SLC35B3: variants seen among roughly 807,000 people sequenced by gnomAD.
The protein encoded by SLC35B3 is solute carrier family 35 member B3.
A neutral mutation model predicts 44.1 loss-of-function variants in SLC35B3; 35 were observed. The ratio of observed to expected loss-of-function variants is 0.79; its 90% CI spans 0.61 to 1.05. SLC35B3 has a LOEUF of 1.05. SLC35B3 is among the 50% of genes least tolerant of loss of function. The pLI, the probability that SLC35B3 is intolerant of heterozygous loss-of-function variation, is 0.00. For missense variants in SLC35B3, 414 were observed against 476.4 expected (o/e 0.87, Z 1.22); for synonymous variants, 146 against 167.3 (o/e 0.87, Z 0.98).
rs569888741 is a variant in SLC35B3 at position 8,411,765 on chromosome 6, A to G, written c.*1784T>C. Among the ~76,000 whole-genome samples the G allele has an allele frequency of 6.6e-6, 1 of 152,336 alleles. No individual in the cohort carries two copies. Among genetic ancestry groups the G allele is most frequent in the Admixed American group, 6.5e-5 (1 of 15,296 alleles). On this transcript the variant is annotated 3_prime_UTR_variant, in exon 11 of 11. Transcript: ENST00000644923. ...CAATGGAATTTTAAGAATGAGATTAACTATTCCAAGTATATTATACTCACA... is the reference window on the plus strand; with the variant it reads ...CAATGGAATTTTAAGAATGAGATTAGCTATTCCAAGTATATTATACTCACA...
chr6:8,422,595 G>A lies in SLC35B3; in HGVS notation c.449C>T (p.Ala150Val). ...CCCCATAGTACCCACAGTTAGAAAA[G>A]CTATTATCATGTAGGTTTTTCCTGG... Residue 150 changes from alanine (A) to valine (V), a missense_variant, in exon 5 of 11, where the codon GCT (alanine) becomes GTT (valine). Ala to Val is a moderately conservative substitution (Grantham distance 64). Coordinates refer to ENST00000644923, the MANE Select transcript of SLC35B3 (RefSeq NM_001370476.2). 3.1e-6 allele frequency: 5 copies of A among 1,610,804 alleles called. No individual in the cohort carries two copies. Among genetic ancestry groups the A allele is most frequent in the Non-Finnish European group, 3.4e-6 (4 of 1,178,972 alleles).
chr6:8,428,170 C>T, intron 3 of SLC35B3, 112 bp from the exon 3 acceptor site: 1 of 998,692 alleles, frequency 1.0e-6, no homozygotes. Flanking sequence ...CCTCCAACAA[C>T]AACAAAATGT....
In SLC35B3 at chr6:8,433,144, C is replaced by T. The variant is rs989488721; in HGVS notation, c.3+1241G>A. On this transcript the variant is annotated intron_variant, in intron 2 of 10. Coordinates refer to ENST00000644923, the MANE Select transcript of SLC35B3 (RefSeq NM_001370476.2). The surrounding 1 kb of genome is among the most constrained non-coding windows in gnomAD (Gnocchi z 4.1). ...CTATAACTATATCTAATATCTGTTT[C>T]GGACCCTACTCCATCAGGCAGCCAT... 3.3e-5 allele frequency among the ~76,000 whole-genome samples: 5 copies of T among 152,222 alleles called. No homozygotes were observed. In the East Asian group the frequency reaches 7.8e-4, roughly 24 times the overall value.
In SLC35B3 at chr6:8,431,456, C is replaced by A. The variant is rs944436733; in HGVS notation, c.4-1299G>T. Among the ~76,000 whole-genome samples, 3 of 152,078 alleles carry A rather than the reference C, an allele frequency of 2.0e-5. No individual in the cohort carries two copies. In the East Asian group the frequency reaches 5.8e-4, roughly 29 times the overall value. ...AATTTACAGAGGTTAACCAGGTCAT[C>A]CTTAGGAATTAAAGGAGGGGTCAAG... On this transcript the variant is annotated intron_variant, in intron 2 of 10. Coordinates refer to ENST00000644923, the MANE Select transcript of SLC35B3 (RefSeq NM_001370476.2).
intron 3 of SLC35B3, among the ~76,000 whole-genome samples, chr6:8,428,549 T>C (rs1214394810): frequency 6.6e-6 from 1 of 152,190 alleles, no homozygotes; most frequent in Admixed American, 6.5e-5. Context: ...TGTCAGTTTT[T>C]ACAAAATCAA....
intron 3 of SLC35B3, among the ~76,000 whole-genome samples, chr6:8,429,589 C>T (rs375395891): frequency 1.3e-5 from 2 of 152,092 alleles, no homozygotes; most frequent in African/African-American, 4.8e-5. Flanking sequence ...ATTGCTTTCT[C>T]TTGGAAGCAC....
At chr6:8,417,665 A>G (rs1762540528) in intron 7 of SLC35B3, among the ~76,000 whole-genome samples, 171 bp from the exon 7 acceptor site, 1 of 152,134 alleles carries the variant, frequency 6.6e-6, no homozygotes, top group African/African-American at 2.4e-5. Flanking sequence ...CTAATGTTTT[A>G]TAAGTCTATG....
chr6:8,416,883 C>G lies in SLC35B3; in HGVS notation c.985+1G>C. ...AATCAAAGCAAGTAAATCCCTCCTA[C>G]CTGTTACAGCAATAAGTGCACCAAA... On this transcript the variant is annotated splice_donor_variant, in intron 9 of 10. Transcript: ENST00000644923. LOFTEE classifies it high-confidence loss of function. The G allele has an allele frequency of 6.8e-7, 1 of 1,474,706 alleles. No individual in the cohort carries two copies. The highest frequency in any genetic ancestry group is 9.3e-7 in the Non-Finnish European group (1 of 1,071,856). The allele number at this position is 1,474,706 out of a possible 1,614,324, so 91.4% of individuals were successfully genotyped here.
rs982861672 is a variant in SLC35B3, at chr6:8,426,967, G to A, written c.419+970C>T. Among the ~76,000 whole-genome samples, 4 of 152,310 alleles carry A rather than the reference G, an allele frequency of 2.6e-5. No individual in the cohort carries two copies. The South Asian group carries it at 8.3e-4, about 32-fold the overall frequency. On this transcript the variant is annotated intron_variant, in intron 4 of 10. Coordinates refer to ENST00000644923, the MANE Select transcript of SLC35B3 (RefSeq NM_001370476.2). ...CTAGAGCAAAGGTGACTCTTGTTAT[G>A]TTTTAGCAAAGAGACTGGTGGCATT...
intron 9 of SLC35B3, among the ~76,000 whole-genome samples, chr6:8,415,180 GA>G (rs1251418622): frequency 1.3e-5 from 2 of 152,112 alleles, no homozygotes; most frequent in Non-Finnish European, 2.9e-5. Flanking sequence ...GTCTTGTAGG[GA>G]AACAGACATT....
chr6:8,421,183 T>G (rs1482193098), intron 5 of SLC35B3, among the ~76,000 whole-genome samples: 3 of 152,230 alleles, frequency 2.0e-5, no homozygotes, highest in African/African-American at 7.2e-5. Context: ...GTTATGAATT[T>G]TCTCGTAGTT....
At chr6:8,430,516 A>T (rs1370567281) in intron 2 of SLC35B3, among the ~76,000 whole-genome samples, 1 of 152,214 alleles carries the variant, frequency 6.6e-6, no homozygotes, top group East Asian at 1.9e-4. Flanking sequence ...GGAGTAAAAA[A>T]TAAGTAATTC....
intron 4 of SLC35B3, among the ~76,000 whole-genome samples, chr6:8,424,977 T>A (rs1388248373): frequency 1.3e-5 from 2 of 152,202 alleles, no homozygotes; most frequent in Non-Finnish European, 2.9e-5. Flanking sequence ...TAAATTCAGA[T>A]ATGGGTGTAT....
chr6:8,421,173 G>A (rs1171304477), intron 5 of SLC35B3, among the ~76,000 whole-genome samples: 1 of 152,098 alleles, frequency 6.6e-6, no homozygotes, highest in Admixed American at 6.6e-5. Context: ...ATAATAAAAG[G>A]TTATGAATTT....
Position 8,420,410 on chromosome 6 carries a change from T to A in SLC35B3, c.682+311A>T, listed in dbSNP as rs1762788646. On this transcript the variant is annotated intron_variant, in intron 6 of 10. Transcript: ENST00000644923. This position sits in a 1 kb window ranked among gnomAD's most constrained non-coding sequence, Gnocchi z 4.4. Reference sequence around the variant, plus strand: ...CACAAAAACAATTATTTGTTCATATTCATTTTTGAATAACGTAATACTGAG... The same window carrying A: ...CACAAAAACAATTATTTGTTCATATACATTTTTGAATAACGTAATACTGAG... Among the ~76,000 whole-genome samples the A allele has an allele frequency of 6.6e-6, 1 of 152,142 alleles. No individual in the cohort carries two copies.
chr6:8,422,907 GTTTT>G (rs57405337), intron 4 of SLC35B3, among the ~76,000 whole-genome samples: 232 of 146,334 alleles, frequency 1.6e-3, no homozygotes, highest in Non-Finnish European at 2.3e-3. Context: ...TTGACAAAAG[GTTTT>G]TTTTTTTTTT....
At position 8,432,592 on chromosome 6, in the gene SLC35B3, A is replaced by G. The variant is rs997860528; in HGVS notation, c.3+1793T>C. ...ATCTGGCTTTACTACTTATTAGCTG[A>G]GGAGCCTTGGGCAAATCGTTTAACT... On this transcript the variant is annotated intron_variant, in intron 2 of 10. Transcript: ENST00000644923. This position sits in a 1 kb window ranked among gnomAD's most constrained non-coding sequence, Gnocchi z 4.8. Among the ~76,000 whole-genome samples the G allele has an allele frequency of 6.6e-6, 1 of 152,160 alleles. No homozygotes were observed. Among genetic ancestry groups the G allele is most frequent in the African/African-American group, 2.4e-5 (1 of 41,440 alleles).
At position 8,435,137 on chromosome 6, in the gene SLC35B3, G is replaced by A; in HGVS notation, c.-44+206C>T. ...CTCGCCAGCCCGAGGGCGAAAAACG[G>A]GCGAGGAGGAACAGATGCTCCTCCC... is the stretch of plus-strand genomic sequence containing the variant. On this transcript the variant is annotated intron_variant, in intron 1 of 10. Transcript: ENST00000644923. This position sits in a 1 kb window ranked among gnomAD's most constrained non-coding sequence, Gnocchi z 5.5. 1.6e-6 allele frequency: 2 copies of A among 1,275,478 alleles called. No individual in the cohort carries two copies. Among genetic ancestry groups the A allele is most frequent in the Non-Finnish European group, 2.0e-6 (2 of 981,932 alleles). The allele number at this position is 1,275,478 out of a possible 1,614,324, so 79.0% of individuals were successfully genotyped here. A position where few individuals can be genotyped will look rare whatever the true frequency, so the allele number is the denominator to read the frequency against.
chr6:8,427,772 TC>T, intron 4 of SLC35B3, 164 bp downstream of exon 3: 1 of 496,778 alleles, frequency 2.0e-6, no homozygotes, highest in South Asian at 4.1e-5. Flanking sequence ...TTTATTTTTT[TC>T]AGTGTATAAA....
Sources: allele counts gnomAD v4.1 joint callset (sites outside exome capture counted in the v4.1 genomes callset), GRCh38; gene constraint gnomAD v4.1.1; non-coding constraint Gnocchi (gnomAD v3.1); transcripts MANE v1.5; gene names NCBI Gene and HGNC (gene_info 2026-07-23, HGNC 2026-07-21).